LRRC49: variants seen among roughly 807,000 people sequenced by gnomAD.
LRRC49 encodes leucine rich repeat containing 49.
In LRRC49, 50 loss-of-function variants were observed where a neutral mutation model predicts 83.3. The observed-to-expected ratio is 0.60, with a 90% CI of 0.48 to 0.76. LRRC49 has a LOEUF of 0.76. LRRC49 is among the 30% of genes least tolerant of loss of function. The pLI, the probability that LRRC49 is intolerant of heterozygous loss-of-function variation, is 0.00. For synonymous variants in LRRC49, 286 were observed against 283.3 expected (o/e 1.01, Z -0.10); for missense variants, 704 against 809.1 (o/e 0.87, Z 1.58).
At chr15:70,900,458 A>G (rs758541212) in intron 3 of LRRC49, 4 of 456,670 alleles carry the variant, frequency 8.8e-6, no homozygotes, top group South Asian at 3.1e-5. Flanking sequence ...ATGTGACAGA[A>G]CTATATGGGC....
chr15:70,875,228 A>G (rs2033127790), intron 2 of LRRC49, among the ~76,000 whole-genome samples: 1 of 152,094 alleles, frequency 6.6e-6, no homozygotes, highest in Admixed American at 6.5e-5. Context: ...TAGCTCAGCA[A>G]CTCCATCTAG....
chr15:70,994,181 G>A (rs1046827328), intron 11 of LRRC49, among the ~76,000 whole-genome samples: 1 of 152,062 alleles, frequency 6.6e-6, no homozygotes, highest in African/African-American at 2.4e-5. Flanking sequence ...TTAGATAAGG[G>A]TCTAACTTGA....
chr15:70,872,934 T>G, exon 2 of LRRC49: 1 of 304,162 alleles, frequency 3.3e-6, no homozygotes, highest in South Asian at 7.0e-5. Context: ...TCGCCTAGGC[T>G]GGAGTGCCGT....
At chr15:70,986,894 A>G (rs530350697) in intron 11 of LRRC49, among the ~76,000 whole-genome samples, 163 of 152,254 alleles carry the variant, frequency 1.1e-3, no homozygotes, top group African/African-American at 3.9e-3. Context: ...TGAGATAATC[A>G]TGTGGTTTTT....
At chr15:70,969,418 A>G (rs1445363954) in intron 9 of LRRC49, among the ~76,000 whole-genome samples, 1 of 152,190 alleles carries the variant, frequency 6.6e-6, no homozygotes, top group African/African-American at 2.4e-5. Flanking sequence ...AGGTAGCATG[A>G]TGCCTCCAGC....
intron 5 of LRRC49, among the ~76,000 whole-genome samples, chr15:70,908,394 A>G (rs2034407211): frequency 6.6e-6 from 1 of 152,172 alleles, no homozygotes. Context: ...GTTGTTTGGC[A>G]GGCAGGAGGC....
intron 6 of LRRC49, among the ~76,000 whole-genome samples, chr15:70,912,040 C>T (rs1176334207): frequency 6.6e-6 from 1 of 151,662 alleles, no homozygotes; most frequent in African/African-American, 2.4e-5. Flanking sequence ...AATAATATAT[C>T]CTTTAGTAGT....
chr15:71,009,087 G>A (rs2038561174), intron 12 of LRRC49, among the ~76,000 whole-genome samples: 1 of 151,772 alleles, frequency 6.6e-6, no homozygotes, highest in African/African-American at 2.4e-5. Context: ...GTATGCATTT[G>A]TAGAAACTGT....
chr15:70,935,147 T>TA (rs2035551542), intron 7 of LRRC49, among the ~76,000 whole-genome samples: 1 of 152,244 alleles, frequency 6.6e-6, no homozygotes, highest in South Asian at 2.1e-4. Context: ...TCCACAGACT[T>TA]ACTCCTTGGC....
At chr15:71,023,115 A>G (rs529866120) in intron 14 of LRRC49, among the ~76,000 whole-genome samples, 10 of 152,350 alleles carry the variant, frequency 6.6e-5, no homozygotes, top group Admixed American at 1.3e-4. Flanking sequence ...TATAATAAAA[A>G]TACCCATTTC....
chr15:70,935,019 T>C (rs1355194330), intron 7 of LRRC49, among the ~76,000 whole-genome samples: 1 of 152,222 alleles, frequency 6.6e-6, no homozygotes, highest in Non-Finnish European at 1.5e-5. Context: ...CACTAGTCTA[T>C]CACTCCTCCT....
chr15:70,982,623 T>A (rs966040651), intron 10 of LRRC49, among the ~76,000 whole-genome samples: 11 of 152,110 alleles, frequency 7.2e-5, no homozygotes, highest in Non-Finnish European at 1.3e-4. Context: ...CCAAAACATT[T>A]TTTTTAGAGA....
chr15:70,983,157 T>G (rs2141225537), intron 10 of LRRC49, among the ~76,000 whole-genome samples: 2 of 152,254 alleles, frequency 1.3e-5, no homozygotes, highest in East Asian at 3.9e-4. Context: ...TAATGGAAAC[T>G]TTACCAGAAT....
chr15:70,955,447 A>G (rs1416228046), intron 8 of LRRC49, among the ~76,000 whole-genome samples: 2 of 152,312 alleles, frequency 1.3e-5, no homozygotes, highest in African/African-American at 4.8e-5. Context: ...GAGATAGGCA[A>G]TATTTCAGGG....
chr15:70,987,896 T>C (rs1345137560), intron 11 of LRRC49, among the ~76,000 whole-genome samples: 29 of 152,226 alleles, frequency 1.9e-4, no homozygotes, highest in Middle Eastern at 3.4e-3. Flanking sequence ...GTTATGTACC[T>C]AGTAGTCAAT....
chr15:71,011,831 T>G (rs2038661492), intron 13 of LRRC49, among the ~76,000 whole-genome samples: 1 of 152,132 alleles, frequency 6.6e-6, no homozygotes, highest in African/African-American at 2.4e-5. Flanking sequence ...AATTATTGGT[T>G]TGTTTTAAAG....
intron 3 of LRRC49, among the ~76,000 whole-genome samples, chr15:70,897,317 A>G (rs866722135): frequency 6.6e-6 from 1 of 152,200 alleles, no homozygotes; most frequent in Non-Finnish European, 1.5e-5. Context: ...TACATAAGTA[A>G]TGACCCATTC....
chr15:71,005,273 C>T (rs2038417312), intron 11 of LRRC49, among the ~76,000 whole-genome samples: 1 of 151,990 alleles, frequency 6.6e-6, no homozygotes, highest in Non-Finnish European at 1.5e-5. Flanking sequence ...GACTTTTCCC[C>T]TCTGGAAGAA....
chr15:70,995,190 G>A (rs1230373807), intron 11 of LRRC49, among the ~76,000 whole-genome samples: 1 of 152,148 alleles, frequency 6.6e-6, no homozygotes, highest in Non-Finnish European at 1.5e-5. Context: ...TAGTCTAGGC[G>A]AGATTTTTAA....
Sources: gnomAD v4.1 joint callset for allele counts (sites outside exome capture counted in the v4.1 genomes callset) on GRCh38, gnomAD v4.1.1 for gene constraint, MANE v1.5 for transcripts, NCBI Gene and HGNC (gene_info 2026-07-23, HGNC 2026-07-21) for gene names.